CDKL3: variants seen among roughly 807,000 people sequenced by gnomAD.
CDKL3 encodes cyclin dependent kinase like 3.
A neutral mutation model predicts 69.3 loss-of-function variants in CDKL3; 65 were observed. That is an observed-to-expected ratio of 0.94 (90% CI 0.77 to 1.15). The LOEUF is 1.15. Among genes scored for constraint, CDKL3 ranks in the 50% most tolerant of loss-of-function variants. The pLI, the probability that CDKL3 is intolerant of heterozygous loss-of-function variation, is 0.00. For synonymous variants in CDKL3, 202 were observed against 221.6 expected (o/e 0.91, Z 0.79); for missense variants, 652 against 689.2 (o/e 0.95, Z 0.61).
Position 134,321,832 on chromosome 5 carries a change from C to T in CDKL3, c.611G>A (p.Ser204Asn). Residue 204 changes from serine (S) to asparagine (N), a missense_variant, in exon 5 of 13, where the codon AGT becomes AAT. Ser to Asn is a conservative substitution (Grantham distance 46, BLOSUM62 1). Coordinates refer to ENST00000265334, the MANE Select transcript of CDKL3 (RefSeq NM_001113575.2). ...TTTATGGAGTAAATCCAAATCAGAA[C>T]TACTAGGAAGATAGGGATTTCCAGT... Reference protein sequence around the residue: ...MATGNPYLPSSSDLDLLHKIV... With the variant: ...MATGNPYLPSNSDLDLLHKIV... 5.0e-6 allele frequency: 8 copies of T among 1,612,032 alleles called. No individual in the cohort carries two copies. The highest frequency in any genetic ancestry group is 5.9e-6 in the Non-Finnish European group (7 of 1,178,488).
chr5:134,314,426 C>T (rs1770443993), intron 6 of CDKL3, among the ~76,000 whole-genome samples: 1 of 152,104 alleles, frequency 6.6e-6, no homozygotes, highest in Admixed American at 6.6e-5. Context: ...TACCCATGAC[C>T]CAGCCATTCT....
chr5:134,311,198 G>T (rs1020023745), intron 7 of CDKL3, among the ~76,000 whole-genome samples: 9 of 152,120 alleles, frequency 5.9e-5, no homozygotes, highest in African/African-American at 2.2e-4. Flanking sequence ...AATTTCATGG[G>T]TAGGATACAA....
chr5:134,319,508 A>G lies in CDKL3; in HGVS notation c.653-11T>C, dbSNP rs1188671203. ...GAGGTGACAAATTGCCTGAAAAGAG[A>G]AAAAAATGTATATTTAAAAAACAGA... is the stretch of plus-strand genomic sequence containing the variant. On this transcript the variant is annotated splice_polypyrimidine_tract_variant and intron_variant, in intron 5 of 12. Transcript: ENST00000265334. 5 of 1,512,786 alleles carry G rather than the reference A, an allele frequency of 3.3e-6. No individual in the cohort carries two copies. In the East Asian group the frequency reaches 1.2e-4, roughly 38 times the overall value. The allele number at this position is 1,512,786 out of a possible 1,614,324, so 93.7% of individuals were successfully genotyped here.
intron 2 of CDKL3, among the ~76,000 whole-genome samples, chr5:134,362,219 T>C (rs1261558772): frequency 1.3e-5 from 2 of 152,212 alleles, no homozygotes; most frequent in Non-Finnish European, 2.9e-5. Flanking sequence ...AATGAAATTC[T>C]AGCATAAAAA....
intron 8 of CDKL3, among the ~76,000 whole-genome samples, chr5:134,293,181 C>T (rs1396517878): frequency 6.6e-6 from 1 of 151,734 alleles, no homozygotes. Context: ...CCACCACGCC[C>T]AGCTAATTTT....
intron 4 of CDKL3, among the ~76,000 whole-genome samples, chr5:134,343,853 C>G (rs1246125741): frequency 6.6e-6 from 1 of 152,186 alleles, no homozygotes; most frequent in Non-Finnish European, 1.5e-5. Context: ...CCCAAGGAGA[C>G]TGATTTGAGT....
intron 8 of CDKL3, 37 bp from the exon 9 acceptor site, chr5:134,308,503 C>A: frequency 6.4e-7 from 1 of 1,559,026 alleles, no homozygotes. Flanking sequence ...GTCATCATAA[C>A]AGTTATTTTT....
At chr5:134,307,385 A>C (rs977998977) in intron 9 of CDKL3, among the ~76,000 whole-genome samples, 2 of 152,212 alleles carry the variant, frequency 1.3e-5, no homozygotes, top group Non-Finnish European at 2.9e-5. Flanking sequence ...GATCACCTCA[A>C]GAACAACTAG....
intron 6 of CDKL3, among the ~76,000 whole-genome samples, chr5:134,313,582 T>C (rs1335044678): frequency 6.6e-6 from 1 of 152,050 alleles, no homozygotes; most frequent in African/African-American, 2.4e-5. Context: ...AAATCCAAGA[T>C]AATTGTATAT....
At chr5:134,299,707 T>A (rs879059881) in intron 12 of CDKL3, 1 of 1,534,800 alleles carries the variant, frequency 6.5e-7, no homozygotes, top group African/African-American at 1.4e-5. Flanking sequence ...CTACTCTACA[T>A]CTGGCAAGTT....
At chr5:134,311,854 G>A (rs1769610529) in intron 7 of CDKL3, among the ~76,000 whole-genome samples, 1 of 152,086 alleles carries the variant, frequency 6.6e-6, no homozygotes, top group Non-Finnish European at 1.5e-5. Flanking sequence ...GAGTGCAGTG[G>A]TGCAATCTCA....
chr5:134,339,011 G>T (rs577886986), intron 4 of CDKL3, among the ~76,000 whole-genome samples: 14 of 151,768 alleles, frequency 9.2e-5, no homozygotes, highest in African/African-American at 3.4e-4. Flanking sequence ...AAAATTAGCC[G>T]GGCATAGTGG....
chr5:134,368,518 C>G (rs560390914), upstream of CDKL3, among the ~76,000 whole-genome samples: 3 of 143,952 alleles, frequency 2.1e-5, no homozygotes, highest in Admixed American at 7.3e-5. Context: ...ACTCGGGAGG[C>G]GGAGGCAGGA....
At chr5:134,350,026 A>G (rs1752873820) in intron 4 of CDKL3, among the ~76,000 whole-genome samples, 2 of 152,104 alleles carry the variant, frequency 1.3e-5, no homozygotes, top group South Asian at 2.1e-4. Flanking sequence ...CGTCTCTACT[A>G]AAAATACAAA....
At chr5:134,363,458 T>C (rs1756553040) in intron 2 of CDKL3, among the ~76,000 whole-genome samples, 1 of 93,442 alleles carries the variant, frequency 1.1e-5, no homozygotes, top group African/African-American at 5.4e-5. Context: ...CATGGCCGGC[T>C]TTTTTTTTTT....
intron 2 of CDKL3, among the ~76,000 whole-genome samples, chr5:134,361,576 T>C (rs1314003694): frequency 6.6e-6 from 1 of 152,216 alleles, no homozygotes; most frequent in Non-Finnish European, 1.5e-5. Context: ...GATGCCACAG[T>C]GCTGCAGCAA....
chr5:134,305,177 G>A (rs367897420), intron 10 of CDKL3, among the ~76,000 whole-genome samples: 21 of 151,866 alleles, frequency 1.4e-4, no homozygotes, highest in Admixed American at 1.1e-3. Flanking sequence ...ATACAGTGGC[G>A]CCATTACGGC....
chr5:134,319,304 TG>T, intron 6 of CDKL3, 53 bp downstream of exon 6: 1 of 1,382,840 alleles, frequency 7.2e-7, no homozygotes, highest in Non-Finnish European at 9.6e-7. Context: ...CACTACAGCC[TG>T]GGCGACAGAG....
At chr5:134,301,450 A>G (rs1330951706) in intron 12 of CDKL3, among the ~76,000 whole-genome samples, 3 of 152,260 alleles carry the variant, frequency 2.0e-5, no homozygotes, top group Non-Finnish European at 4.4e-5. Flanking sequence ...AATATTATAG[A>G]GATCAAGTAG....
Sources: gnomAD v4.1 joint callset for allele counts (sites outside exome capture counted in the v4.1 genomes callset) on GRCh38, gnomAD v4.1.1 for gene constraint, MANE v1.5 for transcripts, NCBI Gene and HGNC (gene_info 2026-07-23, HGNC 2026-07-21) for gene names.